The following TBC1D7 variants were observed in gnomAD, a reference collection of about 807,000 sequenced individuals.
TBC1D7 encodes TBC1 domain family member 7, also known as TBC domain family 7.
In TBC1D7, 33 loss-of-function variants were observed where a neutral mutation model predicts 35.3. That is an observed-to-expected ratio of 0.93 (90% CI 0.71 to 1.25). The LOEUF (loss-of-function observed/expected upper bound fraction) is 1.25. TBC1D7 is among the 50% of genes most tolerant of loss of function. The pLI is 0.00. For synonymous variants in TBC1D7, 135 were observed against 129.5 expected (o/e 1.04, Z -0.29); for missense variants, 362 against 365.3 (o/e 0.99, Z 0.07).
Position 13,307,630 on chromosome 6 carries a change from G to A in TBC1D7, c.635C>T (p.Ala212Val), listed in dbSNP as rs200508983. 24 of 1,614,076 alleles carry A rather than the reference G, an allele frequency of 1.5e-5. 1 individual carries two copies. The highest frequency in any genetic ancestry group is 1.6e-4 in the Middle Eastern group (1 of 6,062). ...PYDLWFKRCFAGCLPESSLQR... is the reference protein window; with the variant it reads ...PYDLWFKRCFVGCLPESSLQR... ...TAAACTGGATTCAGGCAAACATCCCGCAAAGCACCTCTTGAACCAGAGATC... is the reference window on the plus strand; with the variant it reads ...TAAACTGGATTCAGGCAAACATCCCACAAAGCACCTCTTGAACCAGAGATC... Residue 212 changes from alanine (A) to valine (V), a missense_variant, in exon 6 of 8, where the codon GCG (alanine) becomes GTG (valine). Coordinates refer to ENST00000379300, the MANE Select transcript of TBC1D7 (RefSeq NM_016495.6).
At chr6:13,314,079 G>T (rs1397376902) in intron 5 of TBC1D7, among the ~76,000 whole-genome samples, 1 of 152,058 alleles carries the variant, frequency 6.6e-6, no homozygotes, top group Non-Finnish European at 1.5e-5. Context: ...TTAGCTGGGC[G>T]TGGTGGCGGG....
chr6:13,319,273 A>G (rs1044647626), intron 4 of TBC1D7: 1 of 152,202 alleles, frequency 6.6e-6, no homozygotes, highest in African/African-American at 2.4e-5. Flanking sequence ...CAGCCTGACC[A>G]ACATGGAGAA....
chr6:13,308,391 C>T (rs77882605), intron 5 of TBC1D7, among the ~76,000 whole-genome samples: 2,718 of 152,244 alleles, frequency 0.018, 87 homozygotes, highest in African/African-American at 0.062. Context: ...ACAAGAATTT[C>T]TTAGAATTCA....
chr6:13,326,197 T>C (rs979962700), intron 2 of TBC1D7, among the ~76,000 whole-genome samples: 5 of 152,188 alleles, frequency 3.3e-5, no homozygotes, highest in African/African-American at 1.2e-4. Context: ...GCATGGTGAC[T>C]CCTGCCTGTA....
intron 7 of TBC1D7, 112 bp from the exon 8 acceptor site, chr6:13,305,299 AG>A (rs1190778586): frequency 1.0e-6 from 1 of 982,562 alleles, no homozygotes; most frequent in Admixed American, 1.9e-5. Context: ...ACTGTTTTTC[AG>A]AAAGTGACAG....
chr6:13,313,894 C>T (rs993380708), intron 5 of TBC1D7, among the ~76,000 whole-genome samples: 3 of 152,014 alleles, frequency 2.0e-5, no homozygotes, highest in Admixed American at 2.0e-4. Flanking sequence ...GAAAGTTCTC[C>T]AAGGCAGTAA....
intron 2 of TBC1D7, 127 bp from the exon 3 acceptor site, chr6:13,325,301 C>A: frequency 1.5e-6 from 1 of 651,728 alleles, no homozygotes; most frequent in South Asian, 2.0e-5. Context: ...ACCATATGGT[C>A]AGTAAGTTTA....
At chr6:13,308,872 A>C (rs947966871) in intron 5 of TBC1D7, among the ~76,000 whole-genome samples, 15 of 152,198 alleles carry the variant, frequency 9.9e-5, no homozygotes, top group African/African-American at 3.4e-4. Flanking sequence ...TAACGCTGTG[A>C]TGCTATGATG....
At chr6:13,307,448 A>G in intron 6 of TBC1D7, 152 bp downstream of exon 6, 2 of 744,492 alleles carry the variant, frequency 2.7e-6, no homozygotes, top group African/African-American at 1.7e-5. Flanking sequence ...AATAAGCAGA[A>G]TCATGTGCTG....
intron 4 of TBC1D7, 168 bp downstream of exon 4, chr6:13,320,740 G>A: frequency 1.3e-6 from 1 of 748,952 alleles, no homozygotes; most frequent in South Asian, 1.4e-5. Flanking sequence ...AAGAAGGTTG[G>A]GTCAGAATGT....
At chr6:13,309,099 T>C (rs1562158094) in intron 5 of TBC1D7, among the ~76,000 whole-genome samples, 1 of 152,244 alleles carries the variant, frequency 6.6e-6, no homozygotes, top group Admixed American at 6.5e-5. Context: ...AACCTCCCTA[T>C]ACTGCTCAAC....
intron 4 of TBC1D7, 31 bp from the exon 5 acceptor site, chr6:13,316,739 AG>A: frequency 6.2e-7 from 1 of 1,609,104 alleles, no homozygotes. Flanking sequence ...CTCAAGAGGA[AG>A]GCAGTGAAAG....
chr6:13,316,313 C>G (rs1024231861), intron 5 of TBC1D7, among the ~76,000 whole-genome samples: 1 of 152,176 alleles, frequency 6.6e-6, no homozygotes, highest in African/African-American at 2.4e-5. Context: ...GCAAATCCAG[C>G]CAGGAACATT....
chr6:13,310,319 G>C (rs978887154), intron 5 of TBC1D7, among the ~76,000 whole-genome samples: 4 of 152,176 alleles, frequency 2.6e-5, no homozygotes, highest in Admixed American at 2.0e-4. Flanking sequence ...ATTCACAATA[G>C]AACAGTATGA....
At chr6:13,318,772 G>A (rs1222314933) in intron 4 of TBC1D7, 2 of 152,134 alleles carry the variant, frequency 1.3e-5, no homozygotes, top group African/African-American at 2.4e-5. Flanking sequence ...AAGGAGAAGG[G>A]AAAACTCTTC....
chr6:13,317,893 C>T (rs964274283), intron 4 of TBC1D7, among the ~76,000 whole-genome samples: 3 of 152,244 alleles, frequency 2.0e-5, no homozygotes, highest in East Asian at 1.9e-4. Context: ...TATCTGTCCC[C>T]TCCGAAACTT....
intron 6 of TBC1D7, 69 bp from the exon 7 acceptor site, chr6:13,306,596 A>G: frequency 8.0e-7 from 1 of 1,255,250 alleles, no homozygotes; most frequent in Non-Finnish European, 1.1e-6. Context: ...GACATCTCAA[A>G]TTACAAAATA....
intron 4 of TBC1D7, chr6:13,319,543 G>T (rs544539293): frequency 6.6e-6 from 1 of 151,742 alleles, no homozygotes; most frequent in Non-Finnish European, 1.5e-5. Context: ...TGTGTGATCC[G>T]GAACTGGATC....
chr6:13,311,062 G>A (rs1333850876), intron 5 of TBC1D7, among the ~76,000 whole-genome samples: 2 of 152,008 alleles, frequency 1.3e-5, no homozygotes, highest in African/African-American at 4.8e-5. Flanking sequence ...TCAACAGAAG[G>A]CAAAACGTGA....
Sources: gnomAD v4.1 joint callset for allele counts (sites outside exome capture counted in the v4.1 genomes callset) on GRCh38, gnomAD v4.1.1 for gene constraint, MANE v1.5 for transcripts, NCBI Gene and HGNC (gene_info 2026-07-23, HGNC 2026-07-21) for gene names.